PPP1R9A: variants seen among roughly 807,000 people sequenced by gnomAD.
PPP1R9A encodes neurabin-1.
A neutral mutation model predicts 141.9 loss-of-function variants in PPP1R9A; 59 were observed. The observed-to-expected ratio is 0.42, with a 90% confidence interval of 0.34 to 0.52. PPP1R9A has a LOEUF of 0.52. Ranked by LOEUF, PPP1R9A falls within the 20% of genes least tolerant of loss-of-function variation. The pLI is 0.10. For missense variants in PPP1R9A, 1,444 were observed against 1,611.9 expected, an observed-to-expected ratio of 0.90 and a Z score of 1.78; for synonymous variants, 500 against 569.7, an observed-to-expected ratio of 0.88 and a Z score of 1.74.
intron 2 of PPP1R9A, among the ~76,000 whole-genome samples, chr7:95,075,112 A>G (rs1381162854): frequency 6.6e-6 from 1 of 152,172 alleles, no homozygotes; most frequent in East Asian, 1.9e-4. Flanking sequence ...TGTGCCATGA[A>G]TAATTTTCTC....
chr7:94,989,916 A>C (rs1029209665), intron 2 of PPP1R9A, among the ~76,000 whole-genome samples: 1 of 152,082 alleles, frequency 6.6e-6, no homozygotes, highest in Non-Finnish European at 1.5e-5. Flanking sequence ...GTAGTTGTGA[A>C]GTTTTTGAAC....
intron 2 of PPP1R9A, among the ~76,000 whole-genome samples, chr7:95,034,102 C>G (rs1808101208): frequency 1.3e-5 from 2 of 151,984 alleles, no homozygotes; most frequent in African/African-American, 4.8e-5. Context: ...TTGGAGAAAA[C>G]TGTCATCTTT....
At chr7:95,183,080 A>G (rs1386123532) in intron 5 of PPP1R9A, among the ~76,000 whole-genome samples, 1 of 151,864 alleles carries the variant, frequency 6.6e-6, no homozygotes, top group Non-Finnish European at 1.5e-5. Context: ...TGTGTTAGGC[A>G]ATTTTTTTTT....
intron 2 of PPP1R9A, among the ~76,000 whole-genome samples, chr7:94,963,741 A>C (rs769199546): frequency 3.3e-5 from 5 of 152,196 alleles, no homozygotes; most frequent in African/African-American, 1.2e-4. Context: ...GAATATTTGC[A>C]ATACTTTATG....
At chr7:94,914,474 A>G (rs1024232855) in intron 2 of PPP1R9A, among the ~76,000 whole-genome samples, 2 of 152,196 alleles carry the variant, frequency 1.3e-5, no homozygotes, top group Non-Finnish European at 2.9e-5. Flanking sequence ...ATTGCCAGCC[A>G]TCAGTTAGTA....
At chr7:94,914,981 T>G (rs1221610490) in intron 2 of PPP1R9A, among the ~76,000 whole-genome samples, 5 of 151,942 alleles carry the variant, frequency 3.3e-5, no homozygotes, top group Non-Finnish European at 7.3e-5. Flanking sequence ...CTGTTTCTTA[T>G]GTCCTTTGGA....
At chr7:94,970,495 G>A (rs899650750) in intron 2 of PPP1R9A, among the ~76,000 whole-genome samples, 1 of 152,126 alleles carries the variant, frequency 6.6e-6, no homozygotes, top group Non-Finnish European at 1.5e-5. Flanking sequence ...TCTGTGGGCT[G>A]TACCCACTCT....
At chr7:95,191,253 T>C (rs1484292926) in intron 5 of PPP1R9A, among the ~76,000 whole-genome samples, 1 of 152,222 alleles carries the variant, frequency 6.6e-6, no homozygotes, top group East Asian at 1.9e-4. Flanking sequence ...ATAACTGATG[T>C]ATCTGCCTTG....
rs766476851 is a variant in PPP1R9A, at chr7:95,292,643, A to C, written c.*2340A>C. The C allele has an allele frequency of 1.9e-4, 29 of 152,236 alleles. No homozygotes were observed. The highest frequency in any genetic ancestry group is 7.0e-4 in the African/African-American group (29 of 41,470). 9.4% of individuals were successfully genotyped at this position (152,236 alleles called of 1,614,324 possible). A position where few individuals can be genotyped will look rare whatever the true frequency, so the allele number is the denominator to read the frequency against. On this transcript the variant is annotated 3_prime_UTR_variant, in exon 20 of 20. Coordinates refer to ENST00000433360, the MANE Select transcript of PPP1R9A (RefSeq NM_001166160.2). The stretch of plus-strand genomic sequence containing the variant: ...TGACAATGTTATAAATCAAATTCTT[A>C]TTCCTAAAATCATTTAGTATTATAA...
At position 95,203,728 on chromosome 7, in the gene PPP1R9A, A is replaced by G. The variant is rs1467438994; in HGVS notation, c.1954A>G (p.Lys652Glu). 1 of 1,534,920 alleles carries G rather than the reference A, an allele frequency of 6.5e-7. No homozygotes were observed. The highest frequency in any genetic ancestry group is 2.0e-5 in the Admixed American group (1 of 50,856). The change falls in exon 7 of 20, where the codon AAG becomes GAG. Residue 652 changes from lysine to glutamate, a missense_variant and splice_region_variant. Transcript: ENST00000433360. ...NCNNNNNYFL[K>E]TGEYATDEEE... ...CAATAACAATAACAACTATTTTCTT[A>G]AGGTTTGTTTTTTGGTTTAAAGTAA...
chr7:94,928,063 G>A (rs763787606), intron 2 of PPP1R9A, among the ~76,000 whole-genome samples: 10 of 152,184 alleles, frequency 6.6e-5, no homozygotes, highest in Non-Finnish European at 1.5e-4. Context: ...AAGCAGGGGA[G>A]TCTACCTTTA....
chr7:95,019,798 T>C (rs1426020674), intron 2 of PPP1R9A, among the ~76,000 whole-genome samples: 2 of 143,828 alleles, frequency 1.4e-5, no homozygotes, highest in Non-Finnish European at 3.1e-5. Context: ...AGTTTGGCAA[T>C]TGCTTGAAGC....
intron 2 of PPP1R9A, among the ~76,000 whole-genome samples, chr7:94,937,354 A>G (rs1794882885): frequency 6.6e-6 from 1 of 152,156 alleles, no homozygotes; most frequent in Admixed American, 6.6e-5. Flanking sequence ...TCATTTATTC[A>G]TTGTTATATC....
At chr7:95,073,746 C>T (rs2152208894) in intron 2 of PPP1R9A, among the ~76,000 whole-genome samples, 1 of 139,202 alleles carries the variant, frequency 7.2e-6, no homozygotes, top group Admixed American at 8.0e-5. Flanking sequence ...TAAATAAATA[C>T]TGTTTTTTTG....
At chr7:95,265,993 CACCAGGCAA>C (rs1020948938) in intron 12 of PPP1R9A, among the ~76,000 whole-genome samples, 6 of 152,178 alleles carry the variant, frequency 3.9e-5, no homozygotes, top group African/African-American at 1.4e-4. Context: ...CTGACACAAG[CACCAGGCAA>C]ATTATTGAAT....
At chr7:95,222,175 C>A (rs1421272730) in intron 7 of PPP1R9A, among the ~76,000 whole-genome samples, 1 of 151,934 alleles carries the variant, frequency 6.6e-6, no homozygotes, top group South Asian at 2.1e-4. Context: ...ATGTTTAAAG[C>A]CGTGGAAGGT....
intron 2 of PPP1R9A, among the ~76,000 whole-genome samples, chr7:95,054,562 G>C (rs568794069): frequency 1.3e-5 from 2 of 152,254 alleles, no homozygotes; most frequent in South Asian, 4.1e-4. Flanking sequence ...GCACAGGTGT[G>C]TCCAGTCCTG....
intron 4 of PPP1R9A, among the ~76,000 whole-genome samples, chr7:95,157,553 G>T (rs1829830291): frequency 6.6e-6 from 1 of 152,182 alleles, no homozygotes; most frequent in Admixed American, 6.5e-5. Context: ...GAGCTCCATG[G>T]AGCATGTATC....
rs761125411 is a variant in PPP1R9A, at chr7:95,226,076, C to T, written c.2072C>T (p.Ser691Leu). ...LPENEDMFSP[S>L]ELDTSKLSHK... Reference sequence around the variant, plus strand: ...GAGAATGAGGACATGTTTTCCCCATCAGAACTGGACACAAGCAAGCTCAGT... The same window carrying T: ...GAGAATGAGGACATGTTTTCCCCATTAGAACTGGACACAAGCAAGCTCAGT... Residue 691 changes from serine (S) to leucine (L), a missense_variant, in exon 8 of 20, where the codon TCA (serine) becomes TTA (leucine). Physicochemically the swap from Ser to Leu is moderately radical, Grantham distance 145. Transcript: ENST00000433360. 6.2e-7 allele frequency: 1 copy of T among 1,613,384 alleles called. No individual in the cohort carries two copies. The highest frequency in any genetic ancestry group is 8.5e-7 in the Non-Finnish European group (1 of 1,179,588).
Sources: gnomAD v4.1 joint callset for allele counts (sites outside exome capture counted in the v4.1 genomes callset) on GRCh38, gnomAD v4.1.1 for gene constraint, MANE v1.5 for transcripts, NCBI Gene and HGNC (gene_info 2026-07-23, HGNC 2026-07-21) for gene names.